Variants in SETD2 observed in about 807,000 individuals in gnomAD.
SETD2 encodes SET domain containing 2, histone lysine methyltransferase, also known as histone-lysine N-methyltransferase SETD2.
A neutral mutation model predicts 242.1 loss-of-function variants in SETD2; 31 were observed. The ratio of observed to expected loss-of-function variants is 0.13; its 90% CI spans 0.10 to 0.17. The LOEUF (loss-of-function observed/expected upper bound fraction) is 0.17, where lower values mean the gene tolerates loss of function less well. SETD2 is among the 10% of genes least tolerant of loss of function. The probability of loss-of-function intolerance (pLI) is 1.00; values close to 1 mark genes in which losing one functional copy is unlikely to be tolerated. For synonymous variants in SETD2, 1,006 were observed against 1,066.5 expected (o/e 0.94, Z 1.11); for missense variants, 2,481 against 3,046.3 (o/e 0.81, Z 4.37).
At chr3:47,086,098 A>T in intron 11 of SETD2, 97 bp downstream of exon 11, 1 of 1,321,104 alleles carries the variant, frequency 7.6e-7, no homozygotes, top group Non-Finnish European at 1.1e-6. Flanking sequence ...CCAATGATAC[A>T]GTGCTAAATT....
At chr3:47,147,917 CAAAA>C (rs547475994) in intron 1 of SETD2, among the ~76,000 whole-genome samples, 65 of 52,140 alleles carry the variant, frequency 1.2e-3, no homozygotes, top group African/African-American at 4.2e-3. Flanking sequence ...GACTCTGTCT[CAAAA>C]AAAAAAAAAA....
chr3:47,113,205 G>T (rs1458278576), intron 5 of SETD2, among the ~76,000 whole-genome samples: 1 of 151,430 alleles, frequency 6.6e-6, no homozygotes, highest in Admixed American at 6.6e-5. Context: ...CCAGGCTCAA[G>T]CAGTCCTCCC....
chr3:47,027,873 C>T (rs925573655), intron 18 of SETD2, among the ~76,000 whole-genome samples: 1 of 151,098 alleles, frequency 6.6e-6, no homozygotes, highest in Admixed American at 6.6e-5. Context: ...CTCACTGCAA[C>T]CTCCGCCTCC....
chr3:47,126,727 G>T, intron 1 of SETD2, 64 bp from the exon 2 acceptor site: 1 of 949,826 alleles, frequency 1.1e-6, no homozygotes, highest in South Asian at 1.4e-5. Flanking sequence ...ACTTAAAAAC[G>T]ATTGAAATAA....
Position 47,122,496 on chromosome 3 carries a change from A to G in SETD2, c.2140T>C (p.Cys714Arg), listed in dbSNP as rs2106679915. 1 of 1,614,184 alleles carries G rather than the reference A, an allele frequency of 6.2e-7. No homozygotes were observed. Among genetic ancestry groups the G allele is most frequent in the Non-Finnish European group, 8.5e-7 (1 of 1,180,010 alleles). The change falls in exon 3 of 21, where the codon TGC becomes CGC. Residue 714 changes from cysteine (C) to arginine (R), a missense_variant. This residue lies in a region of SETD2 where 1,300 missense variants were observed against 1,259.2 expected (regional missense o/e 1.03). Coordinates refer to ENST00000409792, the MANE Select transcript of SETD2 (RefSeq NM_014159.7). ...GSELSPLVKA[C>R]MLSSNGFQNI... is the part of the protein sequence containing the mutation. ...TGAAATCCATTTGATGAAAGCATGC[A>G]TGCTTTGACCAAAGGGGATAATTCC...
At chr3:47,033,849 T>C (rs1169813231) in intron 18 of SETD2, among the ~76,000 whole-genome samples, 1 of 152,066 alleles carries the variant, frequency 6.6e-6, no homozygotes, top group Non-Finnish European at 1.5e-5. Flanking sequence ...TTTTCTATTT[T>C]TAGTAGAGAC....
chr3:47,145,506 T>C, intron 1 of SETD2: 1 of 438,862 alleles, frequency 2.3e-6, no homozygotes, highest in Non-Finnish European at 4.6e-6. Context: ...ATGATCCTCC[T>C]ACCTCAGGCT....
chr3:47,016,762 G>A lies in SETD2; in HGVS notation c.*331C>T. 2 of 309,324 alleles carry A rather than the reference G, an allele frequency of 6.5e-6. No homozygotes were observed. Among genetic ancestry groups the A allele is most frequent in the Middle Eastern group, 9.0e-4 (1 of 1,112 alleles). 19.2% of individuals were successfully genotyped at this position (309,324 alleles called of 1,614,324 possible). On this transcript the variant is annotated 3_prime_UTR_variant, in exon 21 of 21. Coordinates refer to ENST00000409792, the MANE Select transcript of SETD2 (RefSeq NM_014159.7). Reference sequence around the variant, plus strand: ...CAGATCATCAGGGTAAAGGGTTGTGGGTGGGGATGCGCATGGGTCTGTGCG... The same window carrying A: ...CAGATCATCAGGGTAAAGGGTTGTGAGTGGGGATGCGCATGGGTCTGTGCG...
In SETD2 at chr3:47,083,918, T is replaced by C; in HGVS notation, c.5862A>G (p.Pro1954=). The C allele has an allele frequency of 1.2e-6, 2 of 1,614,220 alleles. No homozygotes were observed. Among genetic ancestry groups the C allele is most frequent in the Non-Finnish European group, 1.7e-6 (2 of 1,180,032 alleles). ...TGGGCTCTATTTCAGCGTCAGCTTC[T>C]GGTTCAGATGTAGGTAGCTTACTAG... The part of the protein sequence containing the change: ...IEASKLPTSE[P]EADAEIEPKE... The change falls in exon 12 of 21, where the codon CCA becomes CCG. Residue 1954 remains proline, a synonymous_variant. Coordinates refer to ENST00000409792, the MANE Select transcript of SETD2 (RefSeq NM_014159.7).
intron 16 of SETD2, among the ~76,000 whole-genome samples, chr3:47,044,994 C>T (rs2039456982): frequency 6.6e-6 from 1 of 152,158 alleles, no homozygotes; most frequent in African/African-American, 2.4e-5. Context: ...TTCCAGAATC[C>T]ATAAAATTCT....
chr3:47,041,448 G>A (rs2107536334), intron 17 of SETD2: 1 of 389,454 alleles, frequency 2.6e-6, no homozygotes, highest in Admixed American at 3.2e-5. Flanking sequence ...AGGAGTTCGT[G>A]CAGATCAGTC....
At chr3:47,159,621 T>C (rs1445271262) in intron 1 of SETD2, among the ~76,000 whole-genome samples, 1 of 152,202 alleles carries the variant, frequency 6.6e-6, no homozygotes, top group African/African-American at 2.4e-5. Context: ...AAGCAGACTA[T>C]GTCACTCTTC....
intron 12 of SETD2, among the ~76,000 whole-genome samples, chr3:47,076,285 A>C (rs923321471): frequency 6.6e-5 from 10 of 152,352 alleles, no homozygotes; most frequent in African/African-American, 2.2e-4. Flanking sequence ...CAATGGCTTG[A>C]GAGGAGACTG....
At chr3:47,118,634 C>T (rs2042954218) in intron 3 of SETD2, among the ~76,000 whole-genome samples, 1 of 149,842 alleles carries the variant, frequency 6.7e-6, no homozygotes, top group Admixed American at 6.6e-5. Flanking sequence ...CACTGCACTC[C>T]ACCCTGGGAG....
intron 18 of SETD2, among the ~76,000 whole-genome samples, chr3:47,023,358 CCACTG>C (rs2038324102): frequency 6.6e-6 from 1 of 152,066 alleles, no homozygotes; most frequent in African/African-American, 2.4e-5. Flanking sequence ...TGAGATCGTG[CCACTG>C]CACTGCAGCC....
chr3:47,139,891 C>T (rs936788890), intron 1 of SETD2, among the ~76,000 whole-genome samples: 1 of 152,142 alleles, frequency 6.6e-6, no homozygotes, highest in African/African-American at 2.4e-5. Flanking sequence ...TATACAAGCA[C>T]TCCTTCTCAC....
At position 47,137,979 on chromosome 3, in the gene SETD2, C is replaced by CT. The variant is rs1248328881; in HGVS notation, c.72-11317dup. On this transcript the variant is annotated intron_variant, in intron 1 of 20. Coordinates refer to ENST00000409792, the MANE Select transcript of SETD2 (RefSeq NM_014159.7). ...ACTGGGATTACAGTATTATCACTTT[C>CT]TTTTTTTTTTGAGACGGAGTCTCGC... 7.1e-3 allele frequency among the ~76,000 whole-genome samples: 1,012 copies of CT among 142,978 alleles called. 13 individuals are homozygous for CT. The highest frequency in any genetic ancestry group is 0.024 in the African/African-American group (920 of 38,852). The allele number at this position is 142,978 out of a possible 152,430, so 93.8% of individuals were successfully genotyped here. A position where few individuals can be genotyped will look rare whatever the true frequency, so the allele number is the denominator to read the frequency against.
chr3:47,076,666 A>T (rs1239551299), intron 12 of SETD2, among the ~76,000 whole-genome samples: 1 of 152,244 alleles, frequency 6.6e-6, no homozygotes, highest in South Asian at 2.1e-4. Flanking sequence ...AGATAATTAC[A>T]GTTGTATAGA....
At chr3:47,036,274 G>T (rs1030786436) in intron 18 of SETD2, among the ~76,000 whole-genome samples, 1 of 152,134 alleles carries the variant, frequency 6.6e-6, no homozygotes, top group African/African-American at 2.4e-5. Flanking sequence ...ACTTCATACG[G>T]TCAGCTGTGG....
Sources: gnomAD v4.1 joint callset for allele counts (sites outside exome capture counted in the v4.1 genomes callset) on GRCh38, gnomAD v4.1.1 for gene constraint, gnomAD v4.1.1 regional missense constraint, MANE v1.5 for transcripts, NCBI Gene and HGNC (gene_info 2026-07-23, HGNC 2026-07-21) for gene names.